NUDCD3: variants seen among roughly 807,000 people sequenced by gnomAD.
NUDCD3 encodes the protein nudC domain-containing protein 3.
NUDCD3 carries 13 observed loss-of-function variants against 39.7 expected under a neutral mutation model. The ratio of observed to expected loss-of-function variants is 0.33; its 90% CI spans 0.21 to 0.52. NUDCD3 has a LOEUF of 0.52. NUDCD3 is among the 20% of genes least tolerant of loss of function. The pLI, the probability that NUDCD3 is intolerant of heterozygous loss-of-function variation, is 0.96. For missense variants in NUDCD3, 453 were observed against 458.1 expected (o/e 0.99, Z 0.10); for synonymous variants, 175 against 172.4 (o/e 1.02, Z -0.12).
At chr7:44,415,244 G>T (rs1175237357) in intron 3 of NUDCD3, among the ~76,000 whole-genome samples, 1 of 152,122 alleles carries the variant, frequency 6.6e-6, no homozygotes, top group African/African-American at 2.4e-5. Flanking sequence ...GAAATGCCAG[G>T]TTTATAATCA....
chr7:44,471,188 T>C (rs1585102130), intron 2 of NUDCD3, among the ~76,000 whole-genome samples: 1 of 152,216 alleles, frequency 6.6e-6, no homozygotes, highest in East Asian at 1.9e-4. Flanking sequence ...CCAACGATGC[T>C]CAAGTCCCTG....
intron 4 of NUDCD3, among the ~76,000 whole-genome samples, chr7:44,396,591 T>C (rs577319013): frequency 6.6e-6 from 1 of 150,674 alleles, no homozygotes; most frequent in Non-Finnish European, 1.5e-5. Context: ...ACTCCAGACC[T>C]TTTTTTTTAA....
chr7:44,467,679 A>G (rs146211165), intron 2 of NUDCD3, among the ~76,000 whole-genome samples: 1 of 152,286 alleles, frequency 6.6e-6, no homozygotes, highest in African/African-American at 2.4e-5. Context: ...TATTCCATAA[A>G]TACTTGCTGA....
At chr7:44,388,639 C>T (rs1283703325) in intron 5 of NUDCD3, among the ~76,000 whole-genome samples, 2 of 152,218 alleles carry the variant, frequency 1.3e-5, no homozygotes, top group Admixed American at 1.3e-4. Context: ...ACACAGTGAA[C>T]GACCATAGCC....
intron 5 of NUDCD3, among the ~76,000 whole-genome samples, chr7:44,387,226 T>C (rs947059401): frequency 1.5e-4 from 23 of 152,300 alleles, no homozygotes; most frequent in African/African-American, 5.1e-4. Context: ...CAGTGTGTGG[T>C]CATAGCTCAG....
chr7:44,458,557 C>T (rs1282700119), intron 2 of NUDCD3, among the ~76,000 whole-genome samples: 3 of 151,668 alleles, frequency 2.0e-5, no homozygotes, highest in Non-Finnish European at 4.4e-5. Context: ...ACTTGGGAGG[C>T]TGAGGCAGGA....
At chr7:44,404,776 A>G (rs1292319880) in intron 3 of NUDCD3, among the ~76,000 whole-genome samples, 193 bp from the exon 4 acceptor site, 1 of 110 alleles carries the variant, frequency 9.1e-3, no homozygotes, top group Non-Finnish European at 0.017. Flanking sequence ...ATGTCAGCTC[A>G]TTTAGTAAAT....
At chr7:44,409,327 C>T (rs1798880718) in intron 3 of NUDCD3, among the ~76,000 whole-genome samples, 1 of 152,190 alleles carries the variant, frequency 6.6e-6, no homozygotes, top group Admixed American at 6.5e-5. Flanking sequence ...CAGGTGTTTA[C>T]TGATCCCAGG....
chr7:44,412,018 A>G (rs1021738481), intron 3 of NUDCD3, among the ~76,000 whole-genome samples: 2 of 152,214 alleles, frequency 1.3e-5, no homozygotes, highest in African/African-American at 4.8e-5. Context: ...CCTTAGATAC[A>G]ATCTTGTGGC....
At position 44,379,726 on chromosome 7, in the gene NUDCD3, G is replaced by C. The variant is rs1244266899; in HGVS notation, c.*6285C>G. On this transcript the variant is annotated 3_prime_UTR_variant, in exon 6 of 6. Coordinates refer to ENST00000355451, the MANE Select transcript of NUDCD3 (RefSeq NM_015332.4). Reference sequence around the variant, plus strand: ...GTGAGAACACTGGAGAATAGTTTAGGGGTGCCCGAGTTTCCCCCACTGCAT... The same window carrying C: ...GTGAGAACACTGGAGAATAGTTTAGCGGTGCCCGAGTTTCCCCCACTGCAT... The C allele has an allele frequency of 3.3e-5, 5 of 152,228 alleles. No homozygotes were observed. The highest frequency in any genetic ancestry group is 4.4e-5 in the Non-Finnish European group (3 of 68,114). The allele number at this position is 152,228 out of a possible 1,614,324, so 9.4% of individuals were successfully genotyped here.
intron 1 of NUDCD3, among the ~76,000 whole-genome samples, chr7:44,489,128 G>A (rs1420283592): frequency 6.6e-6 from 1 of 152,202 alleles, no homozygotes; most frequent in African/African-American, 2.4e-5. Context: ...AACTGGCTGT[G>A]TGTTCTTGGT....
intron 3 of NUDCD3, among the ~76,000 whole-genome samples, chr7:44,406,486 G>A (rs1378981702): frequency 6.6e-6 from 1 of 152,150 alleles, no homozygotes; most frequent in African/African-American, 2.4e-5. Context: ...ATGGAAACAC[G>A]ACACAGAGGG....
Position 44,490,636 on chromosome 7 carries a change from G to A in NUDCD3, c.-36C>T. 1 of 1,558,514 alleles carries A rather than the reference G, an allele frequency of 6.4e-7. No individual in the cohort carries two copies. Among genetic ancestry groups the A allele is most frequent in the Non-Finnish European group, 8.7e-7 (1 of 1,153,318 alleles). On this transcript the variant is annotated 5_prime_UTR_variant, in exon 1 of 6. Transcript: ENST00000355451. ...GCCCTAGGTACGCTTCACACACACA[G>A]CGCCGCCTCAGACCTGCCGACTGGC...
intron 3 of NUDCD3, among the ~76,000 whole-genome samples, chr7:44,423,713 C>T (rs760341262): frequency 6.6e-6 from 1 of 152,140 alleles, no homozygotes; most frequent in Non-Finnish European, 1.5e-5. Context: ...AATGGCCATA[C>T]TGCCCAAAGT....
chr7:44,396,827 C>T (rs1321885199), intron 4 of NUDCD3, among the ~76,000 whole-genome samples: 4 of 152,128 alleles, frequency 2.6e-5, no homozygotes, highest in Non-Finnish European at 5.9e-5. Flanking sequence ...GGCTGTCTTC[C>T]GACACCCAGT....
intron 2 of NUDCD3, among the ~76,000 whole-genome samples, chr7:44,440,376 A>G (rs1191665057): frequency 1.3e-5 from 2 of 152,056 alleles, no homozygotes; most frequent in East Asian, 3.8e-4. Flanking sequence ...AAATCAAAAG[A>G]AGATGGAAAT....
At chr7:44,439,234 A>C (rs1326001559) in intron 2 of NUDCD3, among the ~76,000 whole-genome samples, 1 of 152,186 alleles carries the variant, frequency 6.6e-6, no homozygotes, top group African/African-American at 2.4e-5. Context: ...GTTGGCCAAC[A>C]ATTTGTCAGG....
At chr7:44,477,823 T>A in intron 2 of NUDCD3, among the ~76,000 whole-genome samples, 1 of 95,622 alleles carries the variant, frequency 1.0e-5, no homozygotes, top group Non-Finnish European at 2.4e-5. Flanking sequence ...TGAACAATTC[T>A]TTTTTTTTTT....
intron 2 of NUDCD3, among the ~76,000 whole-genome samples, chr7:44,475,464 A>G (rs1399638591): frequency 6.6e-6 from 1 of 152,206 alleles, no homozygotes; most frequent in Admixed American, 6.5e-5. Context: ...TTACATGCAT[A>G]AGAAAAAAAC....
Sources: gnomAD v4.1 joint callset for allele counts (sites outside exome capture counted in the v4.1 genomes callset) on GRCh38, gnomAD v4.1.1 for gene constraint, MANE v1.5 for transcripts, NCBI Gene and HGNC (gene_info 2026-07-23, HGNC 2026-07-21) for gene names.